HIBCH: variants seen among roughly 807,000 people sequenced by gnomAD.
HIBCH encodes the protein 3-hydroxyisobutyryl-CoA hydrolase, mitochondrial.
Under a neutral mutation model 58.2 loss-of-function variants are expected in HIBCH, and 50 were observed. That is an observed-to-expected ratio of 0.86 (90% CI 0.68 to 1.09). The LOEUF (loss-of-function observed/expected upper bound fraction) is 1.09, where lower values mean the gene tolerates loss of function less well. Ranked by LOEUF, HIBCH falls within the 50% of genes least tolerant of loss-of-function variation. The pLI is 0.00. For missense variants in HIBCH, 450 were observed against 449.7 expected, an observed-to-expected ratio of 1.00 and a Z score of -0.01; for synonymous variants, 151 against 146.9, an observed-to-expected ratio of 1.03 and a Z score of -0.20.
rs542199698 is a variant in HIBCH, at chr2:190,243,140, G to A, written c.891+1747C>T. Among the ~76,000 whole-genome samples the A allele has an allele frequency of 1.2e-3, 187 of 152,298 alleles. 3 individuals carry two copies. Among genetic ancestry groups the A allele is most frequent in the Admixed American group, 0.012 (181 of 15,310 alleles). ...AAAAGAGATTAACATTTGAGTCAGT[G>A]GGCTGGGCAAGGCAGATCCACCCTT... On this transcript the variant is annotated intron_variant, in intron 11 of 13. Coordinates refer to ENST00000359678, the MANE Select transcript of HIBCH (RefSeq NM_014362.4). The surrounding 1 kb of genome is among the most constrained non-coding windows in gnomAD (Gnocchi z 4.1).
intron 6 of HIBCH, among the ~76,000 whole-genome samples, chr2:190,270,075 G>A (rs1222318693): frequency 6.6e-6 from 1 of 152,102 alleles, no homozygotes; most frequent in Non-Finnish European, 1.5e-5. Context: ...CGGGAGGTGA[G>A]GAGCAAGGGG....
chr2:190,267,624 A>G (rs1687279283), intron 6 of HIBCH, among the ~76,000 whole-genome samples: 1 of 152,056 alleles, frequency 6.6e-6, no homozygotes, highest in Admixed American at 6.5e-5. Flanking sequence ...GAACTCATTA[A>G]GTAATTCAGC....
intron 11 of HIBCH, among the ~76,000 whole-genome samples, chr2:190,227,252 C>G (rs1213941050): frequency 2.6e-5 from 4 of 152,164 alleles, no homozygotes; most frequent in African/African-American, 9.7e-5. Context: ...TGGAACAGAA[C>G]AGAGCCCTCA....
intron 10 of HIBCH, chr2:190,245,320 A>G (rs1046226269): frequency 1.3e-5 from 3 of 235,986 alleles, no homozygotes; most frequent in South Asian, 5.6e-5. Context: ...CAGTTTGTCA[A>G]TCTCTCAAAT....
In HIBCH at chr2:190,208,927, G is replaced by T; in HGVS notation, c.1012-14C>A. 1.2e-6 allele frequency: 2 copies of T among 1,611,768 alleles called. No individual in the cohort carries two copies. Among genetic ancestry groups the T allele is most frequent in the Non-Finnish European group, 8.5e-7 (1 of 1,178,302 alleles). On this transcript the variant is annotated splice_polypyrimidine_tract_variant and intron_variant, in intron 12 of 13. Transcript: ENST00000359678. The stretch of plus-strand genomic sequence containing the variant: ...GTCATGACCTCTCTGAAAGAAAATT[G>T]AGATTAAATGGGGATAATTTCTGGG...
At position 190,242,336 on chromosome 2, in the gene HIBCH, G is replaced by A. The variant is rs374655605; in HGVS notation, c.891+2551C>T. Among the ~76,000 whole-genome samples the A allele has an allele frequency of 3.3e-5, 5 of 151,996 alleles. No individual in the cohort carries two copies. The South Asian group carries it at 1.0e-3, about 32-fold the overall frequency. On this transcript the variant is annotated intron_variant, in intron 11 of 13. Transcript: ENST00000359678. Reference sequence around the variant, plus strand: ...GCAGTTCCTGTAACCTTTTATCAATGTTCTTAGCTTCCTTGCATTGGGTTA... The same window carrying A: ...GCAGTTCCTGTAACCTTTTATCAATATTCTTAGCTTCCTTGCATTGGGTTA...
At chr2:190,263,971 T>A (rs986586455) in intron 6 of HIBCH, among the ~76,000 whole-genome samples, 2 of 152,194 alleles carry the variant, frequency 1.3e-5, no homozygotes, top group African/African-American at 4.8e-5. Flanking sequence ...CTTTTCACCA[T>A]CTACACTATT....
intron 7 of HIBCH, among the ~76,000 whole-genome samples, chr2:190,258,046 T>C (rs1686978483): frequency 6.6e-6 from 1 of 152,204 alleles, no homozygotes; most frequent in Non-Finnish European, 1.5e-5. Context: ...CATGTTGAAT[T>C]GTAATCCCCA....
rs762157218 is a variant in HIBCH, at chr2:190,294,601, C to T, written c.249G>A (p.Leu83=). ...TTCCTCCTGCTCCCTTTATAATGAT[C>T]AGGAAAGTTTCAGGATCTTGTTCCC... ...KKWEQDPETF[L]IIIKGAGGKA... is the part of the protein sequence containing the mutation. Residue 83 remains leucine, a synonymous_variant, in exon 4 of 14, where the codon CTG becomes CTA. Coordinates refer to ENST00000359678, the MANE Select transcript of HIBCH (RefSeq NM_014362.4). 1 of 1,612,616 alleles carries T rather than the reference C, an allele frequency of 6.2e-7. No homozygotes were observed. Among genetic ancestry groups the T allele is most frequent in the South Asian group, 1.1e-5 (1 of 91,024 alleles).
chr2:190,317,703 G>A (rs752313754), intron 1 of HIBCH, among the ~76,000 whole-genome samples: 5 of 152,196 alleles, frequency 3.3e-5, no homozygotes, highest in African/African-American at 4.8e-5. Flanking sequence ...CACAGGAAGA[G>A]GTTAAGGTTT....
At chr2:190,260,709 C>T (rs1687063131) in intron 7 of HIBCH, among the ~76,000 whole-genome samples, 1 of 152,128 alleles carries the variant, frequency 6.6e-6, no homozygotes, top group East Asian at 1.9e-4. Context: ...AATTCAGTAG[C>T]AAAACAATAC....
intron 7 of HIBCH, among the ~76,000 whole-genome samples, chr2:190,252,876 T>C (rs1686814042): frequency 6.6e-6 from 1 of 152,202 alleles, no homozygotes; most frequent in Non-Finnish European, 1.5e-5. Context: ...TTAAAAATTA[T>C]CTACGGGTAA....
In HIBCH at chr2:190,319,737, T is replaced by G; in HGVS notation, c.14A>C (p.Glu5Ala). 1 of 1,612,940 alleles carries G rather than the reference T, an allele frequency of 6.2e-7. No individual in the cohort carries two copies. Among genetic ancestry groups the G allele is most frequent in the South Asian group, 1.1e-5 (1 of 90,684 alleles). MGQR[E>A]MWRLMSRFNA... is the part of the protein sequence containing the mutation. ...TCACCTCGACATGAGCCTCCACATC[T>G]CGCGCTGCCCCATCGCCAAACACTC... The change falls in exon 1 of 14, where the codon GAG becomes GCG. Residue 5 changes from glutamate to alanine, a missense_variant. Coordinates refer to ENST00000359678, the MANE Select transcript of HIBCH (RefSeq NM_014362.4).
intron 1 of HIBCH, among the ~76,000 whole-genome samples, chr2:190,314,349 GTATATATACGTA>G (rs1559068547): frequency 3.6e-5 from 1 of 27,774 alleles, no homozygotes; most frequent in African/African-American, 1.5e-4. Context: ...ATATATATGT[GTATATATACGTA>G]TATATATACG....
At chr2:190,258,708 G>A (rs917766364) in intron 7 of HIBCH, among the ~76,000 whole-genome samples, 3 of 152,148 alleles carry the variant, frequency 2.0e-5, no homozygotes, top group Non-Finnish European at 4.4e-5. Flanking sequence ...TTAATGTCAC[G>A]TCATTTTCCC....
chr2:190,247,002 CTTT>C (rs78433117), intron 9 of HIBCH, among the ~76,000 whole-genome samples: 1 of 142,790 alleles, frequency 7.0e-6, no homozygotes, highest in Non-Finnish European at 1.5e-5. Context: ...TTAAATAAGA[CTTT>C]TTTTTTTTTT....
Position 190,246,068 on chromosome 2 carries a change from A to G in HIBCH, c.809+86T>C, listed in dbSNP as rs563075881. 4.3e-5 allele frequency: 34 copies of G among 792,850 alleles called. No individual in the cohort carries two copies. In the East Asian group the frequency reaches 7.6e-4, roughly 18 times the overall value. The allele number at this position is 792,850 out of a possible 1,614,324, so 49.1% of individuals were successfully genotyped here. A position where few individuals can be genotyped will look rare whatever the true frequency, so the allele number is the denominator to read the frequency against. On this transcript the variant is annotated intron_variant, in intron 10 of 13. Coordinates refer to ENST00000359678, the MANE Select transcript of HIBCH (RefSeq NM_014362.4). ...TCAGTGCACTATCAAACACAATGTA[A>G]TTAAAATGGTAATTATAATGTTAGC...
chr2:190,205,833 T>C (rs1457537808), intron 13 of HIBCH, among the ~76,000 whole-genome samples: 1 of 151,898 alleles, frequency 6.6e-6, no homozygotes, highest in Non-Finnish European at 1.5e-5. Flanking sequence ...CCACATAGTA[T>C]CCCCACAGGA....
intron 1 of HIBCH, among the ~76,000 whole-genome samples, chr2:190,198,011 A>G (rs1690059170): frequency 6.6e-6 from 1 of 152,228 alleles, no homozygotes; most frequent in Non-Finnish European, 1.5e-5. Flanking sequence ...GCTGATGATT[A>G]ACAACCAAGA....
Sources: gnomAD v4.1 joint callset for allele counts (sites outside exome capture counted in the v4.1 genomes callset) on GRCh38, gnomAD v4.1.1 for gene constraint, Gnocchi (gnomAD v3.1) non-coding constraint, MANE v1.5 for transcripts, NCBI Gene and HGNC (gene_info 2026-07-23, HGNC 2026-07-21) for gene names.